Variants in ADAMTSL1 observed in about 807,000 individuals in gnomAD.
ADAMTSL1 encodes ADAMTS-like protein 1.
Under a neutral mutation model 201.8 loss-of-function variants are expected in ADAMTSL1, and 126 were observed. The observed-to-expected ratio is 0.62, with a 90% confidence interval of 0.54 to 0.72. The LOEUF is 0.72. Among genes scored for constraint, ADAMTSL1 ranks in the 30% least tolerant of loss-of-function variants. ADAMTSL1 has a pLI of 0.00. For missense variants in ADAMTSL1, 2,679 were observed against 2,277.8 expected (o/e 1.18, Z -3.59); for synonymous variants, 1,121 against 903.4 (o/e 1.24, Z -4.32).
At chr9:18,217,987 A>G (rs1265694714) in intron 2 of ADAMTSL1, among the ~76,000 whole-genome samples, 1 of 152,208 alleles carries the variant, frequency 6.6e-6, no homozygotes, top group African/African-American at 2.4e-5. Context: ...CACCAAATTA[A>G]ATCAAAACCA....
intron 3 of ADAMTSL1, among the ~76,000 whole-genome samples, chr9:18,565,570 A>G (rs1821835101): frequency 1.3e-5 from 1 of 79,260 alleles, no homozygotes; most frequent in South Asian, 2.9e-4. Flanking sequence ...CTAGTTATGA[A>G]AAAAAAAAAA....
chr9:18,476,204 T>A (rs1313120034), intron 1 of ADAMTSL1, among the ~76,000 whole-genome samples: 1 of 152,182 alleles, frequency 6.6e-6, no homozygotes, highest in African/African-American at 2.4e-5. Flanking sequence ...ATAGCTGTCA[T>A]GTATTTTGTG....
intron 2 of ADAMTSL1, among the ~76,000 whole-genome samples, chr9:18,197,186 T>C (rs1339729073): frequency 2.0e-5 from 3 of 152,130 alleles, no homozygotes; most frequent in Non-Finnish European, 4.4e-5. Flanking sequence ...GTACGGCTTC[T>C]TTAAAGTAGT....
intron 14 of ADAMTSL1, among the ~76,000 whole-genome samples, chr9:18,713,784 A>G (rs1832749189): frequency 1.3e-5 from 2 of 148,884 alleles, no homozygotes; most frequent in Non-Finnish European, 3.0e-5. Context: ...ACCCCAAATC[A>G]ACAGAATGTA....
At chr9:18,843,392 G>C (rs2131330764) in intron 23 of ADAMTSL1, among the ~76,000 whole-genome samples, 1 of 151,034 alleles carries the variant, frequency 6.6e-6, no homozygotes, top group East Asian at 1.9e-4. Context: ...TAGAGTTTCT[G>C]CCGAGAGATC....
chr9:18,608,018 T>A (rs1825138038), intron 4 of ADAMTSL1, among the ~76,000 whole-genome samples: 1 of 152,210 alleles, frequency 6.6e-6, no homozygotes, highest in African/African-American at 2.4e-5. Context: ...CATGCTTTTT[T>A]ATACATAATA....
intron 4 of ADAMTSL1, among the ~76,000 whole-genome samples, chr9:18,615,579 A>C (rs1287423980): frequency 1.3e-5 from 2 of 152,156 alleles, no homozygotes; most frequent in African/African-American, 2.4e-5. Flanking sequence ...AAAAAATCTC[A>C]AGGTGGAATT....
At chr9:17,986,315 G>GC (rs1326929535) in intron 1 of ADAMTSL1, among the ~76,000 whole-genome samples, 1 of 151,852 alleles carries the variant, frequency 6.6e-6, no homozygotes, top group Non-Finnish European at 1.5e-5. Flanking sequence ...TTCAGTTCTG[G>GC]CCCTCTCTGA....
In ADAMTSL1 at chr9:18,870,195, C is replaced by T. The variant is rs182481798; in HGVS notation, c.4250-17636C>T. Among the ~76,000 whole-genome samples the T allele has an allele frequency of 7.6e-4, 116 of 152,304 alleles. 1 individual carries two copies. Among genetic ancestry groups the T allele is most frequent in the African/African-American group, 2.2e-3 (93 of 41,580 alleles). On this transcript the variant is annotated intron_variant, in intron 23 of 28. Transcript: ENST00000380548. The stretch of plus-strand genomic sequence containing the variant: ...GCTTAAAGTCAGTGTCCACTCACTG[C>T]AGCATTTGTATCATCTCAGGATTGG...
At chr9:18,069,878 T>A (rs1434879218) in intron 1 of ADAMTSL1, among the ~76,000 whole-genome samples, 2 of 152,188 alleles carry the variant, frequency 1.3e-5, no homozygotes, top group Non-Finnish European at 2.9e-5. Context: ...ACAAAGGGAA[T>A]GCTATTTAGA....
At chr9:17,916,642 A>G (rs999874503) in intron 1 of ADAMTSL1, among the ~76,000 whole-genome samples, 2 of 152,068 alleles carry the variant, frequency 1.3e-5, no homozygotes, top group African/African-American at 4.8e-5. Flanking sequence ...CTATTTTTGG[A>G]TTCTCTGCTC....
chr9:18,244,004 G>A (rs11788211), intron 2 of ADAMTSL1, among the ~76,000 whole-genome samples: 5,071 of 151,900 alleles, frequency 0.033, 128 homozygotes, highest in Non-Finnish European at 0.054. Flanking sequence ...ATATGATTTT[G>A]CATTTTTCCT....
At chr9:18,430,613 A>T (rs1302324330) in intron 2 of ADAMTSL1, among the ~76,000 whole-genome samples, 1 of 152,156 alleles carries the variant, frequency 6.6e-6, no homozygotes, top group Non-Finnish European at 1.5e-5. Context: ...AACTGCCTAT[A>T]CTGTTTCCCT....
intron 2 of ADAMTSL1, among the ~76,000 whole-genome samples, chr9:18,454,418 T>G (rs1055644232): frequency 2.0e-5 from 3 of 152,136 alleles, no homozygotes; most frequent in Non-Finnish European, 4.4e-5. Context: ...CAGACTCACA[T>G]GCTAATCTCC....
chr9:18,716,838 C>G (rs1386939383), intron 14 of ADAMTSL1, among the ~76,000 whole-genome samples: 1 of 137,674 alleles, frequency 7.3e-6, no homozygotes, highest in African/African-American at 2.7e-5. Flanking sequence ...GGAACCAACC[C>G]AAATGTCCAA....
chr9:18,158,624 AC>A (rs1440331023), intron 1 of ADAMTSL1, among the ~76,000 whole-genome samples: 1 of 152,080 alleles, frequency 6.6e-6, no homozygotes, highest in Non-Finnish European at 1.5e-5. Context: ...CAAATGGCAG[AC>A]CATTCAACAT....
At chr9:18,772,605 A>G (rs1461155007) in intron 17 of ADAMTSL1, among the ~76,000 whole-genome samples, 1 of 152,218 alleles carries the variant, frequency 6.6e-6, no homozygotes, top group Non-Finnish European at 1.5e-5. Context: ...TATCTGTATA[A>G]TGGAAATATA....
At chr9:18,119,855 G>A (rs955693612) in intron 1 of ADAMTSL1, among the ~76,000 whole-genome samples, 3 of 152,022 alleles carry the variant, frequency 2.0e-5, no homozygotes, top group South Asian at 2.1e-4. Context: ...TAAAACATCC[G>A]AATCTATTAC....
At chr9:18,339,549 T>A (rs1563897365) in intron 2 of ADAMTSL1, among the ~76,000 whole-genome samples, 1 of 152,174 alleles carries the variant, frequency 6.6e-6, no homozygotes, top group Non-Finnish European at 1.5e-5. Context: ...AGTTTGGCAA[T>A]TTCTCAAAGA....
Sources: allele counts gnomAD v4.1 joint callset (sites outside exome capture counted in the v4.1 genomes callset), GRCh38; gene constraint gnomAD v4.1.1; transcripts MANE v1.5; gene names NCBI Gene and HGNC (gene_info 2026-07-23, HGNC 2026-07-21).